Variants in RRAS2 observed in about 807,000 individuals in gnomAD.
The protein encoded by RRAS2 is RAS related 2.
RRAS2 carries 7 observed loss-of-function variants against 27.6 expected under a neutral mutation model. The observed-to-expected ratio is 0.25, with a 90% CI of 0.14 to 0.48. RRAS2 has a LOEUF of 0.48. RRAS2 is among the 20% of genes least tolerant of loss of function. The pLI, the probability that RRAS2 is intolerant of heterozygous loss-of-function variation, is 0.99. For synonymous variants in RRAS2, 86 were observed against 90.9 expected (o/e 0.95, Z 0.31); for missense variants, 178 against 256.2 (o/e 0.69, Z 2.08).
At chr11:14,323,363 T>C (rs1044812180) in intron 1 of RRAS2, among the ~76,000 whole-genome samples, 1 of 151,180 alleles carries the variant, frequency 6.6e-6, no homozygotes, top group Non-Finnish European at 1.5e-5. Context: ...AAGGCTAAGG[T>C]AGGAGGATTG....
chr11:14,280,726 CAAAAAAAAAAAAAA>C (rs58781581), intron 5 of RRAS2, among the ~76,000 whole-genome samples: 30 of 48,330 alleles, frequency 6.2e-4, no homozygotes, highest in East Asian at 2.6e-3. Context: ...ACTCTGTTTC[CAAAAAAAAAAAAAA>C]AAAAAAAAAA....
chr11:14,283,300 T>G (rs1015367349), intron 4 of RRAS2, among the ~76,000 whole-genome samples: 1 of 152,198 alleles, frequency 6.6e-6, no homozygotes, highest in East Asian at 1.9e-4. Flanking sequence ...TTTTTATATA[T>G]TGTTAAATTC....
rs1554955906 is a variant in RRAS2 at position 14,359,066 on chromosome 11, C to G, written c.-196G>C. The G allele has an allele frequency of 9.1e-7, 1 of 1,093,944 alleles. No homozygotes were observed. Among genetic ancestry groups the G allele is most frequent in the Non-Finnish European group, 1.1e-6 (1 of 900,694 alleles). The allele number at this position is 1,093,944 out of a possible 1,614,324, so 67.8% of individuals were successfully genotyped here. A position where few individuals can be genotyped will look rare whatever the true frequency, so the allele number is the denominator to read the frequency against. On this transcript the variant is annotated 5_prime_UTR_variant, in exon 1 of 6. Coordinates refer to ENST00000256196, the MANE Select transcript of RRAS2 (RefSeq NM_012250.6). The stretch of plus-strand genomic sequence containing the variant: ...GACTGGCTGGGTACCGCCCGAGGCG[C>G]GGAGAAGCGGGGTGACGGCACGGGC...
chr11:14,293,126 TATATATATATATATATATATATATA>T (rs2133959305), intron 4 of RRAS2, among the ~76,000 whole-genome samples: 3 of 39,940 alleles, frequency 7.5e-5, no homozygotes, highest in Admixed American at 7.0e-4. Flanking sequence ...ACAAAACAAA[TATATATATATATATATATATATATA>T]TATATATATA....
intron 1 of RRAS2, among the ~76,000 whole-genome samples, chr11:14,351,130 C>T (rs183410733): frequency 1.0e-3 from 155 of 152,052 alleles, no homozygotes; most frequent in African/African-American, 3.3e-3. Context: ...TTATTTCTGC[C>T]CCCCAAAAAA....
At chr11:14,325,546 G>A (rs1019758899) in intron 1 of RRAS2, among the ~76,000 whole-genome samples, 2 of 152,008 alleles carry the variant, frequency 1.3e-5, no homozygotes, top group Non-Finnish European at 2.9e-5. Flanking sequence ...TGATCCTCCC[G>A]CCTTGGCCTC....
intron 1 of RRAS2, among the ~76,000 whole-genome samples, chr11:14,345,776 G>T (rs1278051358): frequency 1.3e-5 from 2 of 152,096 alleles, no homozygotes; most frequent in Non-Finnish European, 2.9e-5. Context: ...TGTATTTGTT[G>T]AAATTCTGCT....
intron 1 of RRAS2, chr11:14,341,678 C>T (rs1479464051): frequency 6.6e-6 from 2 of 304,514 alleles, no homozygotes; most frequent in Non-Finnish European, 1.3e-5. Flanking sequence ...AGTCATGATA[C>T]CTTTAACACC....
At chr11:14,284,686 T>C (rs1411785152) in intron 4 of RRAS2, among the ~76,000 whole-genome samples, 1 of 152,224 alleles carries the variant, frequency 6.6e-6, no homozygotes, top group Non-Finnish European at 1.5e-5. Context: ...AGATCACGAA[T>C]GTTTGGGACT....
rs782523423 is a variant in RRAS2, at chr11:14,357,230, A to G, written c.108+1533T>C. 7.2e-5 allele frequency among the ~76,000 whole-genome samples: 11 copies of G among 152,316 alleles called. No homozygotes were observed. In the South Asian group the frequency reaches 1.2e-3, roughly 17 times the overall value. ...AATATTTGTGGTTCAAATCTTTTAA[A>G]TAACACTACCAATATTGTAACCCAA... On this transcript the variant is annotated intron_variant, in intron 1 of 5. Transcript: ENST00000256196.
chr11:14,315,898 C>T (rs148882672), intron 1 of RRAS2, among the ~76,000 whole-genome samples: 16 of 152,248 alleles, frequency 1.1e-4, no homozygotes, highest in Middle Eastern at 6.8e-3. Flanking sequence ...TTAGGGTACT[C>T]AGAGGCAAGA....
chr11:14,302,073 T>TACACACATACACACACACACACACAC, intron 1 of RRAS2, among the ~76,000 whole-genome samples: 1 of 142,474 alleles, frequency 7.0e-6, no homozygotes, highest in Non-Finnish European at 1.5e-5. Context: ...ACCACACACA[T>TACACACATACACACACACACACACAC]ACACACACAC....
At chr11:14,280,909 C>T (rs999297247) in intron 5 of RRAS2, among the ~76,000 whole-genome samples, 4 of 152,094 alleles carry the variant, frequency 2.6e-5, no homozygotes, top group African/African-American at 9.7e-5. Context: ...CACCCACAAA[C>T]GTACCTCGTA....
chr11:14,300,005 A>G (rs782013542), intron 1 of RRAS2, among the ~76,000 whole-genome samples: 10 of 152,240 alleles, frequency 6.6e-5, no homozygotes, highest in South Asian at 2.1e-4. Context: ...ACCACAGCCC[A>G]GAAAGGATGT....
At chr11:14,321,243 GTC>G (rs1848217678) in intron 1 of RRAS2, among the ~76,000 whole-genome samples, 1 of 151,914 alleles carries the variant, frequency 6.6e-6, no homozygotes, top group Non-Finnish European at 1.5e-5. Context: ...AAAATCTTAT[GTC>G]TATACCATTC....
chr11:14,280,414 G>A (rs1463346410), intron 5 of RRAS2, among the ~76,000 whole-genome samples: 1 of 152,004 alleles, frequency 6.6e-6, no homozygotes, highest in Non-Finnish European at 1.5e-5. Context: ...TCGCTCAGGT[G>A]TCAATTTACC....
chr11:14,357,628 A>G (rs1312618407), intron 1 of RRAS2, among the ~76,000 whole-genome samples: 1 of 152,242 alleles, frequency 6.6e-6, no homozygotes, highest in Non-Finnish European at 1.5e-5. Context: ...CACATTTGTT[A>G]CAGTACTCAA....
At chr11:14,332,710 T>G (rs952779912) in intron 1 of RRAS2, among the ~76,000 whole-genome samples, 3 of 152,114 alleles carry the variant, frequency 2.0e-5, no homozygotes, top group South Asian at 4.1e-4. Context: ...CTTGGAGAGA[T>G]AGAAATGTCC....
At chr11:14,308,593 T>C (rs1847883897) in intron 1 of RRAS2, among the ~76,000 whole-genome samples, 1 of 152,196 alleles carries the variant, frequency 6.6e-6, no homozygotes, top group South Asian at 2.1e-4. Flanking sequence ...TACAGCAAAA[T>C]ATCATATTTT....
Sources: gnomAD v4.1 joint callset for allele counts (sites outside exome capture counted in the v4.1 genomes callset) on GRCh38, gnomAD v4.1.1 for gene constraint, MANE v1.5 for transcripts, NCBI Gene and HGNC (gene_info 2026-07-23, HGNC 2026-07-21) for gene names.